The following GAB2 variants were observed in gnomAD, a reference collection of about 807,000 sequenced individuals.
GAB2 encodes GRB2-associated-binding protein 2.
A neutral mutation model predicts 65.5 loss-of-function variants in GAB2; 26 were observed. The ratio of observed to expected loss-of-function variants is 0.40; its 90% CI spans 0.29 to 0.55. GAB2 has a LOEUF of 0.55. GAB2 is among the 20% of genes least tolerant of loss of function. GAB2 has a pLI of 0.53. For missense variants in GAB2, 884 were observed against 875.8 expected (o/e 1.01, Z -0.12); for synonymous variants, 321 against 329.6 (o/e 0.97, Z 0.28).
intron 1 of GAB2, among the ~76,000 whole-genome samples, chr11:78,413,868 C>A (rs530738209): frequency 6.6e-6 from 1 of 152,204 alleles, no homozygotes; most frequent in East Asian, 1.9e-4. Flanking sequence ...GCGGGTGGAT[C>A]ACCTGAGGTC....
intron 2 of GAB2, among the ~76,000 whole-genome samples, chr11:78,271,464 T>G (rs570850137): frequency 2.0e-5 from 3 of 152,384 alleles, no homozygotes; most frequent in African/African-American, 7.2e-5. Context: ...AGAGATTGTT[T>G]CCTTCAACCT....
intron 1 of GAB2, among the ~76,000 whole-genome samples, chr11:78,400,587 G>C (rs186263061): frequency 1.6e-4 from 25 of 152,178 alleles, no homozygotes; most frequent in Admixed American, 4.6e-4. Context: ...TTTCTACCTA[G>C]AGATAAAAAG....
chr11:78,305,180 C>A (rs1479694793), intron 1 of GAB2, among the ~76,000 whole-genome samples: 2 of 152,060 alleles, frequency 1.3e-5, no homozygotes, highest in African/African-American at 2.4e-5. Context: ...TTTTACAGAT[C>A]AAGGAGCAGT....
chr11:78,378,701 G>C (rs777273187), intron 1 of GAB2, among the ~76,000 whole-genome samples: 2 of 152,032 alleles, frequency 1.3e-5, no homozygotes, highest in Non-Finnish European at 2.9e-5. Flanking sequence ...TTAATGCTCA[G>C]GCTTGTCTTG....
At chr11:78,348,320 A>G (rs937020639) in intron 1 of GAB2, among the ~76,000 whole-genome samples, 1 of 152,238 alleles carries the variant, frequency 6.6e-6, no homozygotes, top group African/African-American at 2.4e-5. Flanking sequence ...AGATTGAAGG[A>G]AATGTTTAAT....
chr11:78,384,398 T>G (rs923238272), intron 1 of GAB2, among the ~76,000 whole-genome samples: 1 of 152,186 alleles, frequency 6.6e-6, no homozygotes, highest in Non-Finnish European at 1.5e-5. Context: ...ACTGAACCGC[T>G]TGAGGCTATC....
intron 1 of GAB2, among the ~76,000 whole-genome samples, chr11:78,285,126 C>T (rs1866442137): frequency 1.3e-5 from 2 of 152,202 alleles, no homozygotes; most frequent in South Asian, 4.1e-4. Context: ...CACATAGACA[C>T]ATAGTGTGTG....
chr11:78,353,917 A>G (rs1297391196), intron 1 of GAB2, among the ~76,000 whole-genome samples: 1 of 152,276 alleles, frequency 6.6e-6, no homozygotes, highest in Non-Finnish European at 1.5e-5. Context: ...AGTATGCATC[A>G]GAATCACCGG....
chr11:78,394,027 G>A (rs187726662), intron 1 of GAB2, among the ~76,000 whole-genome samples: 41 of 152,284 alleles, frequency 2.7e-4, no homozygotes, highest in African/African-American at 8.9e-4. Context: ...GGTGGCTCAC[G>A]CCCGTAATCC....
At chr11:78,251,484 TC>T in intron 2 of GAB2, among the ~76,000 whole-genome samples, 1 of 152,250 alleles carries the variant, frequency 6.6e-6, no homozygotes, top group East Asian at 1.9e-4. Context: ...TGGCTGGCTC[TC>T]TAAGCTAGTC....
intron 1 of GAB2, among the ~76,000 whole-genome samples, chr11:78,406,369 T>G (rs978996065): frequency 6.7e-6 from 1 of 148,860 alleles, no homozygotes; most frequent in African/African-American, 2.5e-5. Context: ...AATACAAAAA[T>G]GTCCACGTTT....
chr11:78,267,368 C>T (rs2134557588), intron 2 of GAB2, among the ~76,000 whole-genome samples: 1 of 152,318 alleles, frequency 6.6e-6, no homozygotes, highest in East Asian at 1.9e-4. Context: ...ACACGTATCA[C>T]CTCTAGATCA....
intron 1 of GAB2, chr11:78,324,806 C>T (rs1028854646): frequency 6.6e-6 from 1 of 152,184 alleles, no homozygotes; most frequent in Non-Finnish European, 1.5e-5. Flanking sequence ...AGAATTATGC[C>T]TCTGGATAAA....
chr11:78,237,329 A>G (rs1203404211), intron 3 of GAB2, among the ~76,000 whole-genome samples: 1 of 152,272 alleles, frequency 6.6e-6, no homozygotes, highest in African/African-American at 2.4e-5. Context: ...ATTGTGATAT[A>G]AAGATACACT....
rs528481766 is a variant in GAB2, at chr11:78,408,237, G to A, written c.75+9409C>T. 2.6e-4 allele frequency among the ~76,000 whole-genome samples: 39 copies of A among 152,226 alleles called. 1 individual carries two copies. The East Asian group carries it at 7.1e-3, about 28-fold the overall frequency. On this transcript the variant is annotated intron_variant, in intron 1 of 9. Transcript: ENST00000361507. The stretch of plus-strand genomic sequence containing the variant: ...AAAATATTTAAGACAATTATATATG[G>A]AGGATGGCAAAAGGACATAAAGGGA...
At chr11:78,360,508 A>G (rs1431056966) in intron 1 of GAB2, among the ~76,000 whole-genome samples, 1 of 152,198 alleles carries the variant, frequency 6.6e-6, no homozygotes, top group East Asian at 1.9e-4. Context: ...ATGTGCTGAT[A>G]AAGAGCTCAA....
At position 78,399,572 on chromosome 11, in the gene GAB2, T is replaced by G. The variant is rs576151524; in HGVS notation, c.75+18074A>C. ...CCATGAGACTGGCAGATCCTTGAGC[T>G]GTTCCTTTCAGGAAAAATTAACTCC... On this transcript the variant is annotated intron_variant, in intron 1 of 9. Coordinates refer to ENST00000361507, the MANE Select transcript of GAB2 (RefSeq NM_080491.3). Among the ~76,000 whole-genome samples the G allele has an allele frequency of 3.3e-5, 5 of 152,356 alleles. No homozygotes were observed. In the South Asian group the frequency reaches 1.0e-3, roughly 32 times the overall value.
intron 1 of GAB2, among the ~76,000 whole-genome samples, chr11:78,353,433 T>C (rs1415582301): frequency 6.6e-6 from 1 of 152,186 alleles, no homozygotes; most frequent in African/African-American, 2.4e-5. Flanking sequence ...AGAGTGAGAC[T>C]TTGTCTCAAA....
intron 2 of GAB2, among the ~76,000 whole-genome samples, chr11:78,270,951 T>C (rs1334387357): frequency 6.6e-6 from 1 of 152,250 alleles, no homozygotes; most frequent in Non-Finnish European, 1.5e-5. Flanking sequence ...ATGTTGAGAC[T>C]CAAGTGCAGC....
Sources: allele counts gnomAD v4.1 joint callset (sites outside exome capture counted in the v4.1 genomes callset), GRCh38; gene constraint gnomAD v4.1.1; transcripts MANE v1.5; gene names NCBI Gene and HGNC (gene_info 2026-07-23, HGNC 2026-07-21).